Variants in RPA3 observed in about 807,000 individuals in gnomAD.
The protein encoded by RPA3 is replication protein A 14 kDa subunit.
In RPA3, 24 loss-of-function variants were observed where a neutral mutation model predicts 13.7. The observed-to-expected ratio is 1.75, with a 90% CI of 1.27 to 2.46. The LOEUF (loss-of-function observed/expected upper bound fraction) is 2.46. Among genes scored for constraint, RPA3 ranks in the 30% most tolerant of loss-of-function variants. The pLI is 0.00. For synonymous variants in RPA3, 59 were observed against 51.2 expected, an observed-to-expected ratio of 1.15 and a Z score of -0.65; for missense variants, 183 against 151.0, an observed-to-expected ratio of 1.21 and a Z score of -1.11.
intron 4 of RPA3, among the ~76,000 whole-genome samples, chr7:7,672,416 C>G (rs1325009580): frequency 6.6e-6 from 1 of 152,098 alleles, no homozygotes; most frequent in African/African-American, 2.4e-5. Context: ...ATAATCTCAC[C>G]AACGCAAGGA....
chr7:7,716,113 A>G (rs1453294814), intron 1 of RPA3, among the ~76,000 whole-genome samples: 3 of 152,202 alleles, frequency 2.0e-5, no homozygotes, highest in African/African-American at 7.2e-5. Context: ...AAGCTGTGGC[A>G]GAAAAGGATG....
At chr7:7,655,795 T>C (rs1334068836) in intron 4 of RPA3, among the ~76,000 whole-genome samples, 5 of 151,522 alleles carry the variant, frequency 3.3e-5, no homozygotes, top group African/African-American at 9.7e-5. Flanking sequence ...TGTAGGTATA[T>C]AGTAAGTGTA....
At chr7:7,704,983 C>T (rs1470053996) in intron 2 of RPA3, among the ~76,000 whole-genome samples, 1 of 152,070 alleles carries the variant, frequency 6.6e-6, no homozygotes, top group East Asian at 1.9e-4. Context: ...CATGCCTTTA[C>T]AGATACAGAA....
At chr7:7,639,222 G>C in intron 5 of RPA3, 78 bp from the exon 6 acceptor site, 1 of 1,008,678 alleles carries the variant, frequency 9.9e-7, no homozygotes, top group Non-Finnish European at 1.5e-6. Flanking sequence ...TTGATCCTTA[G>C]TTGAGCACAA....
chr7:7,645,758 A>G (rs1021483870), intron 4 of RPA3, among the ~76,000 whole-genome samples: 2 of 151,768 alleles, frequency 1.3e-5, no homozygotes, highest in Non-Finnish European at 2.9e-5. Context: ...AAGCTTGGTT[A>G]TGATATATTG....
At chr7:7,709,559 G>A (rs1780696425) in intron 2 of RPA3, among the ~76,000 whole-genome samples, 1 of 152,238 alleles carries the variant, frequency 6.6e-6, no homozygotes, top group Non-Finnish European at 1.5e-5. Flanking sequence ...GCCTGCAAGG[G>A]CAAAATGAGG....
At chr7:7,680,624 T>C (rs993181131) in intron 4 of RPA3, among the ~76,000 whole-genome samples, 11 of 152,150 alleles carry the variant, frequency 7.2e-5, no homozygotes, top group African/African-American at 2.7e-4. Context: ...GTAGATTGTT[T>C]TGGGTAGTAT....
chr7:7,646,804 T>C (rs1309356216), intron 4 of RPA3, among the ~76,000 whole-genome samples: 2 of 152,068 alleles, frequency 1.3e-5, no homozygotes, highest in Admixed American at 6.5e-5. Context: ...TCTTCTCTCC[T>C]CTGCTGCACC....
At chr7:7,675,761 C>G (rs1031935525) in intron 4 of RPA3, among the ~76,000 whole-genome samples, 1 of 152,102 alleles carries the variant, frequency 6.6e-6, no homozygotes, top group Non-Finnish European at 1.5e-5. Flanking sequence ...TGAGGAATCA[C>G]TTCCGTCGTA....
intron 2 of RPA3, among the ~76,000 whole-genome samples, chr7:7,691,281 A>G (rs1482262587): frequency 6.6e-6 from 1 of 152,224 alleles, no homozygotes; most frequent in African/African-American, 2.4e-5. Flanking sequence ...TCAAGGAAAA[A>G]AACTTGTAAA....
intron 2 of RPA3, among the ~76,000 whole-genome samples, chr7:7,691,228 G>A (rs1780165438): frequency 6.6e-6 from 1 of 152,138 alleles, no homozygotes; most frequent in African/African-American, 2.4e-5. Context: ...TTTCAAGCAA[G>A]TATTAGGCAG....
At position 7,661,993 on chromosome 7, in the gene RPA3, A is replaced by T. The variant is rs371969237; in HGVS notation, c.-757-20818T>A. ...TGACTGGGGCTGCTGCCTTTCTTTC[A>T]GAGATGCCCTACACAGAGAGGAGGA... On this transcript the variant is annotated intron_variant, in intron 4 of 7. Transcript: ENST00000223129. Among the ~76,000 whole-genome samples the T allele has an allele frequency of 1.5e-4, 23 of 152,236 alleles. No homozygotes were observed. In the East Asian group the frequency reaches 2.7e-3, roughly 18 times the overall value.
chr7:7,681,011 T>A (rs78778114), intron 4 of RPA3, among the ~76,000 whole-genome samples: 2,730 of 152,256 alleles, frequency 0.018, 81 homozygotes, highest in African/African-American at 0.063. Flanking sequence ...GTGCAATACG[T>A]ACATTACAGA....
chr7:7,692,504 C>A (rs1428303146), intron 2 of RPA3: 2 of 152,198 alleles, frequency 1.3e-5, no homozygotes, highest in Non-Finnish European at 2.9e-5. Flanking sequence ...TTGTGGAAGA[C>A]AAATTGTCAA....
intron 4 of RPA3, 124 bp downstream of exon 4, chr7:7,685,706 C>G (rs937128604): frequency 6.6e-6 from 1 of 152,160 alleles, no homozygotes; most frequent in African/African-American, 2.4e-5. Flanking sequence ...TTGTACTTTT[C>G]TTCTTTTCTT....
Position 7,656,313 on chromosome 7 carries a change from A to T in RPA3, c.-757-15138T>A, listed in dbSNP as rs548084607. On this transcript the variant is annotated intron_variant, in intron 4 of 7. Transcript: ENST00000223129. ...AAGAACTTGTTCATGTATTTAAAAA[A>T]ATTTTTTTTTTGTTTTATTATACTT... Among the ~76,000 whole-genome samples, 390 of 151,650 alleles carry T rather than the reference A, an allele frequency of 2.6e-3. 2 individuals are homozygous for T. The highest frequency in any genetic ancestry group is 7.3e-3 in the African/African-American group (300 of 41,302).
intron 4 of RPA3, among the ~76,000 whole-genome samples, chr7:7,653,753 G>C (rs1467562384): frequency 6.6e-6 from 1 of 152,198 alleles, no homozygotes; most frequent in Non-Finnish European, 1.5e-5. Context: ...TTCTTGTAAT[G>C]TCTTGGTTCT....
chr7:7,675,506 A>G (rs1225546407), intron 4 of RPA3, among the ~76,000 whole-genome samples: 1 of 152,170 alleles, frequency 6.6e-6, no homozygotes, highest in East Asian at 1.9e-4. Context: ...AGTATTATCT[A>G]CTATGGATCT....
intron 4 of RPA3, among the ~76,000 whole-genome samples, chr7:7,642,625 G>C (rs1450628559): frequency 6.6e-6 from 1 of 152,110 alleles, no homozygotes; most frequent in Non-Finnish European, 1.5e-5. Context: ...GTATTTTTGA[G>C]TCACTTAAAA....
Sources: allele counts gnomAD v4.1 joint callset (sites outside exome capture counted in the v4.1 genomes callset), GRCh38; gene constraint gnomAD v4.1.1; transcripts MANE v1.5; gene names NCBI Gene and HGNC (gene_info 2026-07-23, HGNC 2026-07-21).